The following GSE1 variants were observed in gnomAD, a reference collection of about 807,000 sequenced individuals.
GSE1 encodes genetic suppressor element 1.
In GSE1, 32 loss-of-function variants were observed where a neutral mutation model predicts 112.6. The ratio of observed to expected loss-of-function variants is 0.28; its 90% CI spans 0.21 to 0.38. The LOEUF (loss-of-function observed/expected upper bound fraction) is 0.38, where lower values mean the gene tolerates loss of function less well. Ranked by LOEUF, GSE1 falls within the 10% of genes least tolerant of loss-of-function variation. The pLI is 1.00. For missense variants in GSE1, 2,348 were observed against 1,699.2 expected (o/e 1.38, Z -6.71); for synonymous variants, 1,115 against 735.6 (o/e 1.52, Z -8.35).
chr16:85,491,502 C>A (rs956515573), intron 2 of GSE1, among the ~76,000 whole-genome samples: 4 of 152,048 alleles, frequency 2.6e-5, no homozygotes, highest in African/African-American at 9.7e-5. Flanking sequence ...ACTTGGGGGG[C>A]CAGGGTGTGA....
At chr16:85,394,524 C>T (rs2047922884) in intron 2 of GSE1, among the ~76,000 whole-genome samples, 1 of 152,058 alleles carries the variant, frequency 6.6e-6, no homozygotes, top group African/African-American at 2.4e-5. Flanking sequence ...GCTTTATGTA[C>T]CCTCCCCTGT....
intron 2 of GSE1, among the ~76,000 whole-genome samples, chr16:85,488,884 C>A (rs1234355723): frequency 6.6e-6 from 1 of 152,024 alleles, no homozygotes; most frequent in African/African-American, 2.4e-5. Flanking sequence ...AGCAGAAGAC[C>A]CCCCCATTCT....
At chr16:85,583,784 C>A (rs927002356) in intron 1 of GSE1, among the ~76,000 whole-genome samples, 5 of 152,170 alleles carry the variant, frequency 3.3e-5, no homozygotes, top group Non-Finnish European at 5.9e-5. Context: ...CCTGTCGTGC[C>A]ACGAGAAATG....
intron 1 of GSE1, among the ~76,000 whole-genome samples, chr16:85,599,234 G>A (rs59974506): frequency 0.046 from 7,053 of 152,270 alleles, 542 homozygotes; most frequent in African/African-American, 0.16. Context: ...GCTGCTTCAG[G>A]TTCTTTTGGA....
chr16:85,211,532 C>T (rs1373427488), intron 1 of GSE1, among the ~76,000 whole-genome samples: 4 of 152,174 alleles, frequency 2.6e-5, no homozygotes, highest in African/African-American at 4.8e-5. Flanking sequence ...ATCCATACGG[C>T]GAGGCGGCAC....
chr16:85,447,132 A>G (rs569195606), intron 2 of GSE1, among the ~76,000 whole-genome samples: 1 of 152,240 alleles, frequency 6.6e-6, no homozygotes, highest in South Asian at 2.1e-4. Flanking sequence ...CCTCCGTGTC[A>G]TGGGCCCTCC....
intron 1 of GSE1, among the ~76,000 whole-genome samples, chr16:85,260,275 A>G (rs998315915): frequency 4.0e-4 from 60 of 150,790 alleles, no homozygotes; most frequent in African/African-American, 1.4e-3. Flanking sequence ...GACTCTTGTC[A>G]GGTGAAACAT....
At chr16:85,539,325 A>G (rs1010726318) in intron 2 of GSE1, among the ~76,000 whole-genome samples, 1 of 152,236 alleles carries the variant, frequency 6.6e-6, no homozygotes, top group Non-Finnish European at 1.5e-5. Flanking sequence ...TAAGCACTTA[A>G]TTGTGGGTGC....
At chr16:85,465,354 A>G (rs1228561953) in intron 2 of GSE1, among the ~76,000 whole-genome samples, 1 of 152,226 alleles carries the variant, frequency 6.6e-6, no homozygotes, top group African/African-American at 2.4e-5. Flanking sequence ...AGCATGTAAT[A>G]GAACCATGAA....
In GSE1 at chr16:85,201,481, A is replaced by G. The variant is rs532670744; in HGVS notation, c.2283+29674A>G. ...GAGACCAGCCTGACCAACGTGGTGAAACGCCATCTGTACCACAAAAATTAG... is the reference window on the plus strand; with the variant it reads ...GAGACCAGCCTGACCAACGTGGTGAGACGCCATCTGTACCACAAAAATTAG... On this transcript the variant is annotated intron_variant, in intron 1 of 2. Transcript: ENST00000637419. Among the ~76,000 whole-genome samples the G allele has an allele frequency of 4.0e-5, 6 of 151,800 alleles. No homozygotes were observed. In the South Asian group the frequency reaches 1.2e-3, roughly 32 times the overall value.
intron 2 of GSE1, among the ~76,000 whole-genome samples, chr16:85,636,962 C>T (rs1334005811): frequency 6.6e-6 from 1 of 152,168 alleles, no homozygotes; most frequent in Non-Finnish European, 1.5e-5. Context: ...CCATCTGCGC[C>T]AGAGGGCAGC....
intron 2 of GSE1, among the ~76,000 whole-genome samples, chr16:85,550,383 C>T (rs962803512): frequency 6.6e-6 from 1 of 152,146 alleles, no homozygotes; most frequent in Admixed American, 6.5e-5. Flanking sequence ...GGATCCAATG[C>T]GCTATCCAGG....
chr16:85,433,799 G>A (rs1215608942), intron 2 of GSE1, among the ~76,000 whole-genome samples: 2 of 152,024 alleles, frequency 1.3e-5, no homozygotes, highest in Non-Finnish European at 2.9e-5. Flanking sequence ...TAGATGGATG[G>A]ATTTTGGATG....
chr16:85,257,463 A>T (rs1378711465), intron 1 of GSE1, among the ~76,000 whole-genome samples: 2 of 152,152 alleles, frequency 1.3e-5, no homozygotes, highest in Non-Finnish European at 2.9e-5. Flanking sequence ...CTTATATTTT[A>T]TCCAACTTCA....
At chr16:85,567,633 C>T (rs977553871) in intron 1 of GSE1, among the ~76,000 whole-genome samples, 1 of 152,226 alleles carries the variant, frequency 6.6e-6, no homozygotes, top group Admixed American at 6.5e-5. Context: ...AGGGCCTAGC[C>T]TCGGAGGGAA....
chr16:85,348,995 C>T (rs527909994), intron 1 of GSE1, among the ~76,000 whole-genome samples: 7 of 152,220 alleles, frequency 4.6e-5, no homozygotes, highest in South Asian at 2.1e-4. Context: ...GCGCTGCAGC[C>T]GGAGCGGCCC....
intron 1 of GSE1, among the ~76,000 whole-genome samples, chr16:85,616,829 C>T (rs999045936): frequency 4.6e-5 from 7 of 152,092 alleles, no homozygotes; most frequent in African/African-American, 7.2e-5. Flanking sequence ...TTCGGAGTGT[C>T]GCTGTCAATG....
chr16:85,416,514 C>T (rs1463400010), intron 2 of GSE1, among the ~76,000 whole-genome samples: 1 of 152,194 alleles, frequency 6.6e-6, no homozygotes, highest in East Asian at 1.9e-4. Context: ...CAGCCCCTGC[C>T]ACGTGGGATG....
chr16:85,246,988 C>T (rs1000881334), intron 1 of GSE1, among the ~76,000 whole-genome samples: 5 of 151,984 alleles, frequency 3.3e-5, no homozygotes, highest in African/African-American at 4.8e-5. Context: ...TTAAGTGGCT[C>T]GGGGGTGGGG....
Sources: allele counts gnomAD v4.1 joint callset (sites outside exome capture counted in the v4.1 genomes callset), GRCh38; gene constraint gnomAD v4.1.1; transcripts MANE v1.5; gene names NCBI Gene and HGNC (gene_info 2026-07-23, HGNC 2026-07-21).